Variants in GPR155 observed in about 807,000 individuals in gnomAD.
The protein encoded by GPR155 is G protein-coupled receptor 155, also known as lysosomal cholesterol signaling protein.
In GPR155, 65 loss-of-function variants were observed where a neutral mutation model predicts 93.1. The ratio of observed to expected loss-of-function variants is 0.70; its 90% CI spans 0.57 to 0.86. The LOEUF (loss-of-function observed/expected upper bound fraction) is 0.86. Ranked by LOEUF, GPR155 falls within the 40% of genes least tolerant of loss-of-function variation. The pLI, the probability that GPR155 is intolerant of heterozygous loss-of-function variation, is 0.00. For missense variants in GPR155, 838 were observed against 1,034.8 expected (o/e 0.81, Z 2.61); for synonymous variants, 319 against 360.1 (o/e 0.89, Z 1.29).
At chr2:174,436,442 T>C (rs1447693926) in intron 15 of GPR155, 26 bp from the exon 16 acceptor site, 6 of 1,607,944 alleles carry the variant, frequency 3.7e-6, no homozygotes, top group East Asian at 4.5e-5. Context: ...GATTCACCCA[T>C]ATTTTCTGTA....
chr2:174,442,931 C>T (rs1441640917), intron 13 of GPR155, among the ~76,000 whole-genome samples: 1 of 152,166 alleles, frequency 6.6e-6, no homozygotes, highest in Non-Finnish European at 1.5e-5. Context: ...CTCCATTGAA[C>T]CACTTCGGCC....
At position 174,431,810 on chromosome 2, in the gene GPR155, A is replaced by G. The variant is rs953532752; in HGVS notation, c.*4306T>C. 2 of 152,140 alleles carry G rather than the reference A, an allele frequency of 1.3e-5. No homozygotes were observed. Among genetic ancestry groups the G allele is most frequent in the Non-Finnish European group, 2.9e-5 (2 of 68,020 alleles). 9.4% of individuals were successfully genotyped at this position (152,140 alleles called of 1,614,324 possible). A position where few individuals can be genotyped will look rare whatever the true frequency, so the allele number is the denominator to read the frequency against. Reference sequence around the variant, plus strand: ...CAAACATATAAAACACTAGTTTCACATTTTTCTTGCTTTAGAAATTTACTG... The same window carrying G: ...CAAACATATAAAACACTAGTTTCACGTTTTTCTTGCTTTAGAAATTTACTG... On this transcript the variant is annotated 3_prime_UTR_variant, in exon 16 of 16. Coordinates refer to ENST00000392552, the MANE Select transcript of GPR155 (RefSeq NM_152529.7).
At chr2:174,455,226 C>G (rs1285073478) in intron 10 of GPR155, among the ~76,000 whole-genome samples, 1 of 151,744 alleles carries the variant, frequency 6.6e-6, no homozygotes, top group Non-Finnish European at 1.5e-5. Flanking sequence ...AAAACACAAA[C>G]AAATGACCAA....
intron 15 of GPR155, 118 bp downstream of exon 15, chr2:174,439,780 T>C: frequency 1.3e-6 from 1 of 784,696 alleles, no homozygotes. Context: ...TACATGCATA[T>C]GTAAAAATAA....
intron 11 of GPR155, among the ~76,000 whole-genome samples, chr2:174,451,652 G>A (rs187650531): frequency 5.9e-5 from 9 of 152,094 alleles, no homozygotes; most frequent in Non-Finnish European, 1.2e-4. Context: ...AATTTTCAAT[G>A]ATCAACTTTT....
chr2:174,478,140 A>C (rs1447028246), intron 2 of GPR155, among the ~76,000 whole-genome samples: 1 of 152,218 alleles, frequency 6.6e-6, no homozygotes, highest in Admixed American at 6.5e-5. Context: ...TGCTGAAATC[A>C]ACATTTTGCC....
intron 11 of GPR155, among the ~76,000 whole-genome samples, chr2:174,452,102 G>A (rs1269634897): frequency 6.6e-6 from 1 of 151,908 alleles, no homozygotes; most frequent in Admixed American, 6.6e-5. Flanking sequence ...ACAATAAGGA[G>A]GAAAACCTTG....
intron 15 of GPR155, 47 bp downstream of exon 15, chr2:174,439,851 T>C: frequency 6.6e-7 from 1 of 1,514,944 alleles, no homozygotes; most frequent in Non-Finnish European, 9.1e-7. Context: ...AATCAATTAA[T>C]CATTTAAAAT....
chr2:174,469,782 G>A (rs1042766469), intron 4 of GPR155, among the ~76,000 whole-genome samples: 1 of 152,172 alleles, frequency 6.6e-6, no homozygotes, highest in Non-Finnish European at 1.5e-5. Flanking sequence ...AGTCAGGGCT[G>A]ACTAAAGACC....
chr2:174,437,968 T>C (rs936616649), intron 15 of GPR155, among the ~76,000 whole-genome samples: 1 of 151,018 alleles, frequency 6.6e-6, no homozygotes, highest in African/African-American at 2.4e-5. Context: ...TAACAGCCCA[T>C]GGCTGGGTAT....
At chr2:174,464,815 T>C (rs1687794037) in intron 7 of GPR155, among the ~76,000 whole-genome samples, 1 of 152,150 alleles carries the variant, frequency 6.6e-6, no homozygotes, top group Non-Finnish European at 1.5e-5. Context: ...CCATCTTCTG[T>C]TTGTGCTGAA....
chr2:174,460,688 C>T (rs968279847), intron 9 of GPR155, among the ~76,000 whole-genome samples: 5 of 152,094 alleles, frequency 3.3e-5, no homozygotes, highest in South Asian at 2.1e-4. Context: ...GATTTCTCTC[C>T]GATGTTTTCT....
At chr2:174,436,481 G>T in intron 15 of GPR155, 65 bp from the exon 16 acceptor site, 1 of 1,431,970 alleles carries the variant, frequency 7.0e-7, no homozygotes, top group Non-Finnish European at 9.6e-7. Flanking sequence ...CATGATAGAG[G>T]ACAAGCAAGA....
At chr2:174,457,508 A>G (rs1335212353) in intron 10 of GPR155, among the ~76,000 whole-genome samples, 1 of 151,750 alleles carries the variant, frequency 6.6e-6, no homozygotes. Context: ...CCAGACTGGA[A>G]TGCAGTGGCA....
chr2:174,453,978 T>C, intron 10 of GPR155, 137 bp from the exon 11 acceptor site: 1 of 641,900 alleles, frequency 1.6e-6, no homozygotes. Flanking sequence ...TCACATGGTA[T>C]CTATCCAAAA....
At chr2:174,455,886 G>C (rs1687502371) in intron 10 of GPR155, among the ~76,000 whole-genome samples, 1 of 152,112 alleles carries the variant, frequency 6.6e-6, no homozygotes, top group Non-Finnish European at 1.5e-5. Context: ...TGTCACCCAG[G>C]CTGGAGTGCA....
In GPR155 at chr2:174,435,856, A is replaced by C; in HGVS notation, c.*260T>G. ...CTGGAACCAATCCCCTTGGATACTA[A>C]AGGATGACTATATTATATTCATTAT... On this transcript the variant is annotated 3_prime_UTR_variant, in exon 16 of 16. Coordinates refer to ENST00000392552, the MANE Select transcript of GPR155 (RefSeq NM_152529.7). The C allele has an allele frequency of 2.6e-6, 1 of 389,056 alleles. No individual in the cohort carries two copies. The highest frequency in any genetic ancestry group is 4.6e-6 in the Non-Finnish European group (1 of 215,742). 24.1% of individuals were successfully genotyped at this position (389,056 alleles called of 1,614,324 possible).
chr2:174,464,096 T>G (rs1291008004), intron 7 of GPR155, among the ~76,000 whole-genome samples: 1 of 152,216 alleles, frequency 6.6e-6, no homozygotes, highest in Non-Finnish European at 1.5e-5. Flanking sequence ...ACAGGCAGAA[T>G]CCAGCTAGCC....
In GPR155 at chr2:174,435,919, G is replaced by T; in HGVS notation, c.*197C>A. On this transcript the variant is annotated 3_prime_UTR_variant, in exon 16 of 16. Transcript: ENST00000392552. ...TTGGTTTTCTCTTTTTCCTAAGTCA[G>T]CTTCCTATGTGTTTTACATACATGT... The T allele has an allele frequency of 1.8e-6, 1 of 542,216 alleles. No homozygotes were observed. Among genetic ancestry groups the T allele is most frequent in the Non-Finnish European group, 3.3e-6 (1 of 305,296 alleles). The allele number at this position is 542,216 out of a possible 1,614,324, so 33.6% of individuals were successfully genotyped here.
Sources: gnomAD v4.1 joint callset for allele counts (sites outside exome capture counted in the v4.1 genomes callset) on GRCh38, gnomAD v4.1.1 for gene constraint, MANE v1.5 for transcripts, NCBI Gene and HGNC (gene_info 2026-07-23, HGNC 2026-07-21) for gene names.